The following FHIT variants were observed in gnomAD, a reference collection of about 807,000 sequenced individuals.
The protein encoded by FHIT is fragile histidine triad diadenosine triphosphatase, also known as bis(5'-adenosyl)-triphosphatase.
A neutral mutation model predicts 17.9 loss-of-function variants in FHIT; 19 were observed. That is an observed-to-expected ratio of 1.06 (90% CI 0.74 to 1.56). The LOEUF is 1.56. FHIT is among the 40% of genes most tolerant of loss of function. The pLI is 0.00. For synonymous variants in FHIT, 81 were observed against 69.7 expected (o/e 1.16, Z -0.81); for missense variants, 248 against 189.2 (o/e 1.31, Z -1.82).
intron 5 of FHIT, among the ~76,000 whole-genome samples, chr3:60,521,155 A>G (rs1446404680): frequency 6.6e-6 from 1 of 152,038 alleles, no homozygotes; most frequent in African/African-American, 2.4e-5. Context: ...AGTTTTACAA[A>G]TTTAGGGCTA....
chr3:59,996,024 C>A (rs55832883), intron 7 of FHIT, among the ~76,000 whole-genome samples: 6,933 of 152,156 alleles, frequency 0.046, 186 homozygotes, highest in East Asian at 0.076. Context: ...CAGGATGACA[C>A]TGGCTTTGTC....
chr3:60,442,752 G>A (rs2031000411), intron 5 of FHIT, among the ~76,000 whole-genome samples: 1 of 152,152 alleles, frequency 6.6e-6, no homozygotes, highest in South Asian at 2.1e-4. Flanking sequence ...ACTTGGCAAT[G>A]CGGGCTCTTT....
chr3:61,003,261 A>C (rs1197010696), intron 3 of FHIT, among the ~76,000 whole-genome samples: 6 of 152,226 alleles, frequency 3.9e-5, no homozygotes. Flanking sequence ...TGCAATCTGC[A>C]AAAGAAAAGC....
rs1015064524 is a variant in FHIT at position 61,126,499 on chromosome 3, G to A, written c.-164+74118C>T. Among the ~76,000 whole-genome samples the A allele has an allele frequency of 2.0e-5, 3 of 152,142 alleles. No homozygotes were observed. The South Asian group carries it at 6.2e-4, about 32-fold the overall frequency. ...GGCTAGAGAGAGCAGGTAAGGGCAG[G>A]GAAAACTGCCTTATAAAACCATCAG... On this transcript the variant is annotated intron_variant, in intron 2 of 9. Coordinates refer to ENST00000492590, the MANE Select transcript of FHIT (RefSeq NM_002012.4).
intron 8 of FHIT, among the ~76,000 whole-genome samples, chr3:59,767,272 G>T (rs1701846307): frequency 1.3e-5 from 2 of 152,314 alleles, no homozygotes; most frequent in South Asian, 4.1e-4. Context: ...GCTGAGGCAG[G>T]TGGATCACCT....
intron 5 of FHIT, among the ~76,000 whole-genome samples, chr3:60,079,379 G>A (rs533807853): frequency 2.0e-5 from 3 of 152,210 alleles, no homozygotes; most frequent in South Asian, 2.1e-4. Flanking sequence ...GTGGGAGGAT[G>A]AAAGCAATCG....
intron 8 of FHIT, among the ~76,000 whole-genome samples, chr3:59,832,942 C>T (rs1280141755): frequency 6.6e-6 from 1 of 152,182 alleles, no homozygotes; most frequent in Non-Finnish European, 1.5e-5. Context: ...AGACTTAATG[C>T]TACATGTTAT....
At chr3:60,835,324 A>G (rs1439697796) in intron 3 of FHIT, among the ~76,000 whole-genome samples, 3 of 152,198 alleles carry the variant, frequency 2.0e-5, no homozygotes, top group Non-Finnish European at 2.9e-5. Flanking sequence ...AAGTATCGGT[A>G]TCTTTACTAC....
At chr3:59,994,753 G>A (rs775658690) in intron 7 of FHIT, among the ~76,000 whole-genome samples, 11 of 152,030 alleles carry the variant, frequency 7.2e-5, no homozygotes, top group East Asian at 1.9e-4. Context: ...ACAAAGGGTC[G>A]CCATTGATAA....
intron 8 of FHIT, among the ~76,000 whole-genome samples, chr3:59,858,236 C>CTTTTTTTTTTTTT (rs563841299): frequency 3.6e-5 from 3 of 84,454 alleles, no homozygotes; most frequent in Admixed American, 1.5e-4. Context: ...TTCCCACCTT[C>CTTTTTTTTTTTTT]TTTTTTTTTT....
chr3:59,970,239 T>G (rs1458950696), intron 7 of FHIT, among the ~76,000 whole-genome samples: 1 of 152,150 alleles, frequency 6.6e-6, no homozygotes, highest in Non-Finnish European at 1.5e-5. Flanking sequence ...AATTTAGGTC[T>G]TTAAGGGGGA....
At chr3:59,874,971 C>T (rs1303318116) in intron 8 of FHIT, among the ~76,000 whole-genome samples, 1 of 152,236 alleles carries the variant, frequency 6.6e-6, no homozygotes, top group Non-Finnish European at 1.5e-5. Flanking sequence ...GAAGCATCTC[C>T]TATTTCGGCA....
chr3:60,163,587 C>T (rs932631003), intron 5 of FHIT, among the ~76,000 whole-genome samples: 1 of 152,186 alleles, frequency 6.6e-6, no homozygotes. Context: ...GACTCCTGCT[C>T]ACCCTTCAGA....
At chr3:61,029,365 A>G (rs558929478) in intron 3 of FHIT, among the ~76,000 whole-genome samples, 9 of 152,338 alleles carry the variant, frequency 5.9e-5, no homozygotes, top group African/African-American at 1.9e-4. Context: ...CTCCTCCCCG[A>G]GGGAATAACT....
At chr3:60,180,657 G>T (rs1701888411) in intron 5 of FHIT, among the ~76,000 whole-genome samples, 1 of 152,142 alleles carries the variant, frequency 6.6e-6, no homozygotes, top group Non-Finnish European at 1.5e-5. Flanking sequence ...TAGAAAAACA[G>T]GGCATATGTT....
At chr3:60,231,088 G>C (rs1283819377) in intron 5 of FHIT, among the ~76,000 whole-genome samples, 1 of 152,182 alleles carries the variant, frequency 6.6e-6, no homozygotes, top group African/African-American at 2.4e-5. Flanking sequence ...TATGAGGTTT[G>C]GTCAAATACG....
intron 5 of FHIT, among the ~76,000 whole-genome samples, chr3:60,300,098 T>C (rs1402071821): frequency 6.6e-6 from 1 of 152,062 alleles, no homozygotes; most frequent in Non-Finnish European, 1.5e-5. Flanking sequence ...TTGTTTCTTG[T>C]GTCTCCAGGT....
chr3:59,810,512 C>T (rs1050895997), intron 8 of FHIT, among the ~76,000 whole-genome samples: 6 of 152,154 alleles, frequency 3.9e-5, no homozygotes, highest in Non-Finnish European at 7.3e-5. Flanking sequence ...TTTACAATAG[C>T]GGTAGAATAA....
chr3:60,133,611 G>C (rs1164148225), intron 5 of FHIT, among the ~76,000 whole-genome samples: 1 of 152,088 alleles, frequency 6.6e-6, no homozygotes, highest in Admixed American at 6.5e-5. Flanking sequence ...TGTCCTGAGA[G>C]TGTGGGGACC....
Sources: allele counts gnomAD v4.1 joint callset (sites outside exome capture counted in the v4.1 genomes callset), GRCh38; gene constraint gnomAD v4.1.1; transcripts MANE v1.5; gene names NCBI Gene and HGNC (gene_info 2026-07-23, HGNC 2026-07-21).